The following L1TD1 variants were observed in gnomAD, a reference collection of about 807,000 sequenced individuals.
The protein encoded by L1TD1 is LINE-1 type transposase domain-containing protein 1.
Under a neutral mutation model 25.7 loss-of-function variants are expected in L1TD1, and 26 were observed. That is an observed-to-expected ratio of 1.01 (90% CI 0.74 to 1.40). The LOEUF is 1.40. L1TD1 is among the 40% of genes most tolerant of loss of function. The pLI, the probability that L1TD1 is intolerant of heterozygous loss-of-function variation, is 0.00. For missense variants in L1TD1, 1,130 were observed against 975.0 expected (o/e 1.16, Z -2.12); for synonymous variants, 421 against 335.6 (o/e 1.25, Z -2.78).
chr1:62,210,028 A>T lies in L1TD1; in HGVS notation c.1254A>T (p.Glu418Asp). The T allele has an allele frequency of 1.2e-6, 2 of 1,612,258 alleles. No individual in the cohort carries two copies. The highest frequency in any genetic ancestry group is 8.5e-7 in the Non-Finnish European group (1 of 1,178,834). Residue 418 changes from glutamate to aspartate, a missense_variant, in exon 4 of 4, where the codon GAA becomes GAT. By Grantham distance (45) the Glu-to-Asp change is conservative. Coordinates refer to ENST00000498273, the MANE Select transcript of L1TD1 (RefSeq NM_019079.5). Reference protein sequence around the residue: ...EEPSGLEEEEEEEASGLEEDE... With the variant: ...EEPSGLEEEEDEEASGLEEDE... The stretch of plus-strand genomic sequence containing the variant: ...CCTCAGGGCTGGAGGAGGAAGAAGA[A>T]GAAGAGGCTTCAGGGTTGGAGGAGG...
chr1:62,201,837 A>G (rs935026051), intron 2 of L1TD1, among the ~76,000 whole-genome samples: 5 of 152,212 alleles, frequency 3.3e-5, no homozygotes, highest in Non-Finnish European at 5.9e-5. Flanking sequence ...GGGAGCGTAC[A>G]TTGCATCTAG....
chr1:62,196,957 A>G (rs533450666), intron 2 of L1TD1, among the ~76,000 whole-genome samples: 29 of 152,046 alleles, frequency 1.9e-4, no homozygotes, highest in Non-Finnish European at 3.4e-4. Context: ...AATGAGCCCT[A>G]CTTATAATCT....
At chr1:62,195,071 G>C (rs1349573239) in intron 1 of L1TD1, 150 bp downstream of exon 1, 2 of 152,436 alleles carry the variant, frequency 1.3e-5, no homozygotes, top group East Asian at 3.9e-4. Context: ...GTGGGGTCCG[G>C]GGTGCCCCGG....
intron 1 of L1TD1, 52 bp from the exon 2 acceptor site, chr1:62,196,383 T>C (rs1455497770): frequency 6.6e-6 from 1 of 152,178 alleles, no homozygotes; most frequent in Non-Finnish European, 1.5e-5. Flanking sequence ...GGTGATTTTC[T>C]ACATTAAATA....
chr1:62,206,753 A>C lies in L1TD1; in HGVS notation c.125A>C (p.Asp42Ala), dbSNP rs772272788. Residue 42 changes from aspartate to alanine, a missense_variant, in exon 3 of 4, where the codon GAT (aspartate) becomes GCT (alanine). Physicochemically the swap from Asp to Ala is moderately radical, Grantham distance 126. Coordinates refer to ENST00000498273, the MANE Select transcript of L1TD1 (RefSeq NM_019079.5). The part of the protein sequence containing the change: ...ETDKDIAPVL[D>A]LKCKDVSAIM... ...GATAAGGACATAGCTCCGGTATTAG[A>C]TTTAAAATGCAAGGACGTATCAGCA... 6.4e-7 allele frequency: 1 copy of C among 1,553,710 alleles called. No homozygotes were observed. The highest frequency in any genetic ancestry group is 1.2e-5 in the South Asian group (1 of 84,550).
intron 2 of L1TD1, among the ~76,000 whole-genome samples, 164 bp from the exon 3 acceptor site, chr1:62,206,355 A>G (rs922035827): frequency 8.3e-6 from 1 of 120,904 alleles, no homozygotes; most frequent in African/African-American, 3.0e-5. Flanking sequence ...ATAATTTATA[A>G]ATTTTGAATT....
chr1:62,199,583 C>T (rs1670604827), intron 2 of L1TD1, among the ~76,000 whole-genome samples: 1 of 151,948 alleles, frequency 6.6e-6, no homozygotes, highest in South Asian at 2.1e-4. Flanking sequence ...CAGTTTTAAG[C>T]CAGGCATGGT....
Position 62,210,398 on chromosome 1 carries a change from A to T in L1TD1, c.1624A>T (p.Thr542Ser), listed in dbSNP as rs781622703. Reference protein sequence around the residue: ...TQEEEETAVPTSQGTGTPCLT... With the variant: ...TQEEEETAVPSSQGTGTPCLT... ...GGAGGAAGAGGAAACAGCTGTGCCCACAAGTCAAGGAACTGGCACACCCTG... is the reference window on the plus strand; with the variant it reads ...GGAGGAAGAGGAAACAGCTGTGCCCTCAAGTCAAGGAACTGGCACACCCTG... The change falls in exon 4 of 4, where the codon ACA (threonine) becomes TCA (serine). Residue 542 changes from threonine (T) to serine (S), a missense_variant. Transcript: ENST00000498273. The T allele has an allele frequency of 5.0e-6, 8 of 1,614,084 alleles. No individual in the cohort carries two copies. The highest frequency in any genetic ancestry group is 1.7e-5 in the Admixed American group (1 of 60,000).
In L1TD1 at chr1:62,211,562, G is replaced by A. The variant is rs1670872795; in HGVS notation, c.*190G>A. ...GGGTATGTTTAAAAAAAATAGGCTG[G>A]TCTCAATGTAGTGAGTTATTTCAGT... is the stretch of plus-strand genomic sequence containing the variant. On this transcript the variant is annotated 3_prime_UTR_variant, in exon 4 of 4. Coordinates refer to ENST00000498273, the MANE Select transcript of L1TD1 (RefSeq NM_019079.5). 3 of 909,768 alleles carry A rather than the reference G, an allele frequency of 3.3e-6. No homozygotes were observed. The highest frequency in any genetic ancestry group is 2.9e-5 in the East Asian group (1 of 34,420). The allele number at this position is 909,768 out of a possible 1,614,324, so 56.4% of individuals were successfully genotyped here. A position where few individuals can be genotyped will look rare whatever the true frequency, so the allele number is the denominator to read the frequency against.
Position 62,211,092 on chromosome 1 carries a change from T to G in L1TD1, c.2318T>G (p.Ile773Arg). 6.5e-7 allele frequency: 1 copy of G among 1,550,302 alleles called. No homozygotes were observed. Among genetic ancestry groups the G allele is most frequent in the Non-Finnish European group, 8.7e-7 (1 of 1,146,738 alleles). ...KFWNSSDKEK[I>R]IRASRERREI... ...TGGAATTCTAGTGATAAAGAGAAAATAATAAGGGCTTCTAGAGAGAGAAGA... is the reference window on the plus strand; with the variant it reads ...TGGAATTCTAGTGATAAAGAGAAAAGAATAAGGGCTTCTAGAGAGAGAAGA... Residue 773 changes from isoleucine (I) to arginine (R), a missense_variant, in exon 4 of 4, where the codon ATA becomes AGA. Physicochemically the swap from Ile to Arg is moderately conservative, Grantham distance 97 (BLOSUM62 -3). Transcript: ENST00000498273.
At chr1:62,196,171 T>C (rs1450627900) in intron 1 of L1TD1, among the ~76,000 whole-genome samples, 1 of 152,150 alleles carries the variant, frequency 6.6e-6, no homozygotes, top group African/African-American at 2.4e-5. Flanking sequence ...AAAGCGTGCC[T>C]TCCATAATAA....
At chr1:62,195,635 C>T (rs1403201373) in intron 1 of L1TD1, among the ~76,000 whole-genome samples, 2 of 152,200 alleles carry the variant, frequency 1.3e-5, no homozygotes, top group African/African-American at 4.8e-5. Context: ...GCCTGTAATC[C>T]TAGCTACTCA....
intron 2 of L1TD1, among the ~76,000 whole-genome samples, chr1:62,205,418 T>C (rs1449886482): frequency 1.6e-4 from 3 of 18,734 alleles, no homozygotes; most frequent in Non-Finnish European, 2.6e-4. Context: ...TCTCTCTCTC[T>C]ATATATATAT....
At chr1:62,201,073 T>G (rs4915800) in intron 2 of L1TD1, among the ~76,000 whole-genome samples, 1 of 151,826 alleles carries the variant, frequency 6.6e-6, no homozygotes, top group Non-Finnish European at 1.5e-5. Flanking sequence ...GGATTACAGG[T>G]GCCCGCCATC....
chr1:62,205,313 G>T (rs549546619), intron 2 of L1TD1, among the ~76,000 whole-genome samples: 3 of 150,694 alleles, frequency 2.0e-5, no homozygotes, highest in Non-Finnish European at 4.4e-5. Flanking sequence ...ACTCCAGCCT[G>T]GGTGACAAGA....
chr1:62,198,997 C>T (rs1670594340), intron 2 of L1TD1, among the ~76,000 whole-genome samples: 1 of 152,156 alleles, frequency 6.6e-6, no homozygotes, highest in Admixed American at 6.6e-5. Context: ...GCCAGGACGT[C>T]TGGTCCCTGA....
rs35815437 is a variant in L1TD1, at chr1:62,202,669, A to ATTTTT, written c.-110-3830_-110-3826dup. Among the ~76,000 whole-genome samples, 180 of 71,870 alleles carry ATTTTT rather than the reference A, an allele frequency of 2.5e-3. 6 individuals carry two copies. The highest frequency in any genetic ancestry group is 3.0e-3 in the Non-Finnish European group (118 of 39,582). The allele number at this position is 71,870 out of a possible 152,430, so 47.1% of individuals were successfully genotyped here. On this transcript the variant is annotated intron_variant, in intron 2 of 3. Transcript: ENST00000498273. ...TTGCAACTTCCACATCCAGGGTTTA[A>ATTTTT]TTTTTTTTTTTTTTTTTTTTTTTTG... is the stretch of plus-strand genomic sequence containing the variant.
Position 62,207,045 on chromosome 1 carries a change from A to G in L1TD1, c.417A>G (p.Val139=). The part of the protein sequence containing the change: ...DNENLTFKLE[V]NELSGKLDNT... Reference sequence around the variant, plus strand: ...AAAATTTAACCTTTAAATTAGAAGTAAATGAGCTGAGTGGTAAATTAGACA... The same window carrying G: ...AAAATTTAACCTTTAAATTAGAAGTGAATGAGCTGAGTGGTAAATTAGACA... Residue 139 remains valine, a synonymous_variant, in exon 3 of 4, where the codon GTA becomes GTG. Coordinates refer to ENST00000498273, the MANE Select transcript of L1TD1 (RefSeq NM_019079.5). The G allele has an allele frequency of 6.2e-7, 1 of 1,613,950 alleles. No individual in the cohort carries two copies. The highest frequency in any genetic ancestry group is 8.5e-7 in the Non-Finnish European group (1 of 1,179,954).
chr1:62,210,450 C>G lies in L1TD1; in HGVS notation c.1676C>G (p.Ser559Ter), dbSNP rs763522788. 2 of 1,614,018 alleles carry G rather than the reference C, an allele frequency of 1.2e-6. No individual in the cohort carries two copies. Among genetic ancestry groups the G allele is most frequent in the Non-Finnish European group, 1.7e-6 (2 of 1,180,038 alleles). Reference sequence around the variant, plus strand: ...CTGACCTTATGTTTGGCCTCTCCCTCAAAGTCACTAGAGATGAGTCATGAT... The same window carrying G: ...CTGACCTTATGTTTGGCCTCTCCCTGAAAGTCACTAGAGATGAGTCATGAT... ...PCLTLCLASP[S>*]KSLEMSHDEH... Residue 559 changes from serine to a stop codon, truncating the protein, a stop_gained, in exon 4 of 4, where the codon TCA becomes TGA. Coordinates refer to ENST00000498273, the MANE Select transcript of L1TD1 (RefSeq NM_019079.5). LOFTEE classifies it low-confidence loss of function (END_TRUNC).
Sources: gnomAD v4.1 joint callset for allele counts (sites outside exome capture counted in the v4.1 genomes callset) on GRCh38, gnomAD v4.1.1 for gene constraint, MANE v1.5 for transcripts, NCBI Gene and HGNC (gene_info 2026-07-23, HGNC 2026-07-21) for gene names.